ANKRD31: variants seen among roughly 807,000 people sequenced by gnomAD.
ANKRD31 encodes ankyrin repeat domain 31.
Under a neutral mutation model 186.0 loss-of-function variants are expected in ANKRD31, and 147 were observed. The observed-to-expected ratio is 0.79, with a 90% confidence interval of 0.69 to 0.91. The LOEUF is 0.91. Among genes scored for constraint, ANKRD31 ranks in the 40% least tolerant of loss-of-function variants. The pLI is 0.00. For synonymous variants in ANKRD31, 673 were observed against 736.4 expected, an observed-to-expected ratio of 0.91 and a Z score of 1.39; for missense variants, 1,986 against 2,148.8, an observed-to-expected ratio of 0.92 and a Z score of 1.50.
chr5:75,072,069 A>G (rs1744279305), intron 25 of ANKRD31, among the ~76,000 whole-genome samples: 1 of 152,226 alleles, frequency 6.6e-6, no homozygotes, highest in South Asian at 2.1e-4. Flanking sequence ...AATGTGCCAG[A>G]TTACCCAATA....
In ANKRD31 at chr5:75,199,690, G is replaced by A. The variant is rs1486340007; in HGVS notation, c.404-16C>T. ...GCCTCTGGCCCTAGAAAAAAACAATGTGTTTTCATTCCAGTTTTATGGAAG... is the reference window on the plus strand; with the variant it reads ...GCCTCTGGCCCTAGAAAAAAACAATATGTTTTCATTCCAGTTTTATGGAAG... On this transcript the variant is annotated splice_polypyrimidine_tract_variant and intron_variant, in intron 5 of 25. Coordinates refer to ENST00000506364, the MANE Select transcript of ANKRD31 (RefSeq NM_001372053.1). 1.3e-6 allele frequency: 2 copies of A among 1,529,354 alleles called. No homozygotes were observed. The highest frequency in any genetic ancestry group is 1.2e-5 in the South Asian group (1 of 83,196). 94.7% of individuals were successfully genotyped at this position (1,529,354 alleles called of 1,614,324 possible).
chr5:75,081,176 T>C (rs7717337), intron 24 of ANKRD31, among the ~76,000 whole-genome samples: 76,914 of 152,142 alleles, frequency 0.51, 22,430 homozygotes, highest in African/African-American at 0.82. Context: ...CCAGCAGGGC[T>C]CTGCCTATAG....
intron 10 of ANKRD31, among the ~76,000 whole-genome samples, chr5:75,173,802 T>G (rs1369047695): frequency 6.6e-6 from 1 of 152,154 alleles, no homozygotes; most frequent in Non-Finnish European, 1.5e-5. Flanking sequence ...ATGGCCATAC[T>G]GCCCAAGGTA....
At chr5:75,099,160 C>G (rs1216962675) in intron 22 of ANKRD31, among the ~76,000 whole-genome samples, 1 of 152,118 alleles carries the variant, frequency 6.6e-6, no homozygotes, top group Non-Finnish European at 1.5e-5. Context: ...ACTTTTGTCA[C>G]AGGCCTTTTC....
intron 2 of ANKRD31, among the ~76,000 whole-genome samples, chr5:75,223,516 T>C (rs1757429162): frequency 6.6e-6 from 1 of 152,210 alleles, no homozygotes; most frequent in Admixed American, 6.5e-5. Flanking sequence ...CCATATTTTT[T>C]AACCTTCCAA....
Position 75,084,310 on chromosome 5 carries a change from G to A in ANKRD31, c.5537C>T (p.Pro1846Leu). The change falls in exon 24 of 26, where the codon CCA (proline) becomes CTA (leucine). Residue 1846 changes from proline to leucine, a missense_variant. Coordinates refer to ENST00000506364, the MANE Select transcript of ANKRD31 (RefSeq NM_001372053.1). The part of the protein sequence containing the change: ...VSEDAPILPE[P>L]NSVPQQYQPC... ...TTGATATTGCTGAGGTACTGAGTTT[G>A]GTTCTGGAAGTATGGGTGCATCCTC... 3 of 1,537,064 alleles carry A rather than the reference G, an allele frequency of 2.0e-6. No individual in the cohort carries two copies. The highest frequency in any genetic ancestry group is 3.9e-5 in the Admixed American group (2 of 50,992).
At chr5:75,125,239 A>T (rs1292142619) in intron 17 of ANKRD31, among the ~76,000 whole-genome samples, 1 of 152,212 alleles carries the variant, frequency 6.6e-6, no homozygotes, top group Non-Finnish European at 1.5e-5. Context: ...ACTTTTGATA[A>T]AATCTGCATT....
intron 11 of ANKRD31, among the ~76,000 whole-genome samples, chr5:75,159,329 T>C (rs1336599532): frequency 6.6e-6 from 1 of 151,902 alleles, no homozygotes; most frequent in East Asian, 1.9e-4. Context: ...TTCAAAGAAA[T>C]AATAGCTGAA....
chr5:75,225,824 G>C (rs924194872), intron 2 of ANKRD31, among the ~76,000 whole-genome samples: 3 of 152,204 alleles, frequency 2.0e-5, no homozygotes, highest in African/African-American at 7.2e-5. Flanking sequence ...TTAGGTGTGA[G>C]TTCAGCCACA....
At position 75,084,602 on chromosome 5, in the gene ANKRD31, T is replaced by C. The variant is rs1745340564; in HGVS notation, c.5473-228A>G. On this transcript the variant is annotated intron_variant, in intron 23 of 25. Transcript: ENST00000506364. ...TACTTAACATCTATGGCTGCTTTCA[T>C]GCTATAACATAATTGACACAGACCA... 1.3e-5 allele frequency among the ~76,000 whole-genome samples: 2 copies of C among 152,206 alleles called. 1 individual carries two copies. The highest frequency in any genetic ancestry group is 4.8e-5 in the African/African-American group (2 of 41,450).
In ANKRD31 at chr5:75,222,266, C is replaced by T. The variant is rs1757347995; in HGVS notation, c.271G>A (p.Glu91Lys). 1.3e-6 allele frequency: 2 copies of T among 1,535,360 alleles called. No individual in the cohort carries two copies. Among genetic ancestry groups the T allele is most frequent in the Middle Eastern group, 1.7e-4 (1 of 5,984 alleles). The change falls in exon 3 of 26, where the codon GAG (glutamate) becomes AAG (lysine). Residue 91 changes from glutamate (E) to lysine (K), a missense_variant. By Grantham distance (56) the Glu-to-Lys change is moderately conservative (BLOSUM62 1). Transcript: ENST00000506364. ...CTACACACCTGTAATATTGTATCCT[C>T]GCTAAGAACAGGCATCATCTTATTT... ...NKNKMMPVLSEDTILQSQDET... is the reference protein window; with the variant it reads ...NKNKMMPVLSKDTILQSQDET...
At chr5:75,216,561 C>A (rs1411543063) in intron 3 of ANKRD31, among the ~76,000 whole-genome samples, 14 of 152,058 alleles carry the variant, frequency 9.2e-5, no homozygotes, top group Admixed American at 9.2e-4. Context: ...TATTAGAAGG[C>A]AAATATAGAT....
intron 1 of ANKRD31, among the ~76,000 whole-genome samples, chr5:75,233,626 C>T (rs1482940677): frequency 6.6e-6 from 1 of 151,704 alleles, no homozygotes; most frequent in African/African-American, 2.4e-5. Context: ...AATAAAAGTA[C>T]CAATAAGGGC....
At chr5:75,188,242 G>T (rs192430758) in intron 10 of ANKRD31, among the ~76,000 whole-genome samples, 1 of 152,114 alleles carries the variant, frequency 6.6e-6, no homozygotes, top group Non-Finnish European at 1.5e-5. Flanking sequence ...CCTTCTGGAT[G>T]CCACTGCACA....
Position 75,104,217 on chromosome 5 carries a change from A to G in ANKRD31, c.5331+11T>C, listed in dbSNP as rs1296061640. On this transcript the variant is annotated intron_variant, in intron 22 of 25. Coordinates refer to ENST00000506364, the MANE Select transcript of ANKRD31 (RefSeq NM_001372053.1). The stretch of plus-strand genomic sequence containing the variant: ...AATTTGCATGATTTTAGAGAAAAAA[A>G]TATAGAATACCTGTGTTTTGAATTC... 2.7e-6 allele frequency: 4 copies of G among 1,468,134 alleles called. No homozygotes were observed. The highest frequency in any genetic ancestry group is 1.4e-5 in the African/African-American group (1 of 70,160). The allele number at this position is 1,468,134 out of a possible 1,614,324, so 90.9% of individuals were successfully genotyped here.
intron 10 of ANKRD31, among the ~76,000 whole-genome samples, chr5:75,182,736 A>G (rs539598089): frequency 1.3e-5 from 2 of 151,714 alleles, no homozygotes; most frequent in African/African-American, 4.8e-5. Flanking sequence ...AAAAAAAAAG[A>G]CTAAAATGTC....
At chr5:75,226,453 C>G (rs894649396) in intron 2 of ANKRD31, among the ~76,000 whole-genome samples, 3 of 151,958 alleles carry the variant, frequency 2.0e-5, no homozygotes, top group Non-Finnish European at 4.4e-5. Flanking sequence ...TAGGTCTGTC[C>G]CAGTGGTGGA....
chr5:75,153,625 G>T (rs2150157439), intron 12 of ANKRD31, among the ~76,000 whole-genome samples: 1 of 152,208 alleles, frequency 6.6e-6, no homozygotes, highest in Admixed American at 6.6e-5. Context: ...TTTTCTTCTA[G>T]ATTAAAGGGA....
At chr5:75,068,778 G>T in intron 25 of ANKRD31, 114 bp from the exon 26 acceptor site, 1 of 1,093,670 alleles carries the variant, frequency 9.1e-7, no homozygotes, top group Non-Finnish European at 1.2e-6. Context: ...CACATAACAG[G>T]TTTTCTGATC....
Sources: gnomAD v4.1 joint callset for allele counts (sites outside exome capture counted in the v4.1 genomes callset) on GRCh38, gnomAD v4.1.1 for gene constraint, MANE v1.5 for transcripts, NCBI Gene and HGNC (gene_info 2026-07-23, HGNC 2026-07-21) for gene names.